Variants in LMBR1 observed in about 807,000 individuals in gnomAD.
The protein encoded by LMBR1 is limb region 1 protein homolog.
LMBR1 carries 52 observed loss-of-function variants against 73.9 expected under a neutral mutation model. That is an observed-to-expected ratio of 0.70 (90% CI 0.56 to 0.89). The LOEUF is 0.89. LMBR1 is among the 40% of genes least tolerant of loss of function. The pLI is 0.00. For missense variants in LMBR1, 539 were observed against 579.8 expected (o/e 0.93, Z 0.72); for synonymous variants, 215 against 209.4 (o/e 1.03, Z -0.23).
chr7:156,696,666 C>T (rs1417032715), intron 15 of LMBR1, among the ~76,000 whole-genome samples: 1 of 152,196 alleles, frequency 6.6e-6, no homozygotes, highest in Admixed American at 6.5e-5. Context: ...ATCACAACAA[C>T]AGCATGGGAA....
At chr7:156,803,352 G>C (rs1374452569) in intron 4 of LMBR1, among the ~76,000 whole-genome samples, 2 of 151,728 alleles carry the variant, frequency 1.3e-5, no homozygotes, top group Non-Finnish European at 2.9e-5. Context: ...GATATGAACA[G>C]ACACTTCTCA....
At chr7:156,877,658 C>T (rs1420993517) in intron 1 of LMBR1, among the ~76,000 whole-genome samples, 2 of 151,858 alleles carry the variant, frequency 1.3e-5, no homozygotes, top group African/African-American at 4.8e-5. Context: ...CCGAGGTGGG[C>T]GGATCACGAG....
chr7:156,799,705 C>G (rs1456262797), intron 4 of LMBR1, among the ~76,000 whole-genome samples: 1 of 151,946 alleles, frequency 6.6e-6, no homozygotes, highest in East Asian at 1.9e-4. Context: ...AAGCTAGAAG[C>G]TTAGTGAGGA....
chr7:156,881,150 G>A (rs1269463355), intron 1 of LMBR1, among the ~76,000 whole-genome samples: 1 of 152,082 alleles, frequency 6.6e-6, no homozygotes, highest in Non-Finnish European at 1.5e-5. Context: ...CAGATATATA[G>A]AACAACGGAA....
intron 1 of LMBR1, among the ~76,000 whole-genome samples, chr7:156,880,178 T>C (rs1800860299): frequency 6.6e-6 from 1 of 152,174 alleles, no homozygotes; most frequent in South Asian, 2.1e-4. Context: ...TAAAAAGGAA[T>C]GAAATAATGG....
At chr7:156,803,724 A>C (rs1382446340) in intron 4 of LMBR1, among the ~76,000 whole-genome samples, 4,372 of 151,352 alleles carry the variant, frequency 0.029, 100 homozygotes, top group South Asian at 0.072. Context: ...TTCACAATAG[A>C]AAAGACTTGG....
intron 15 of LMBR1, among the ~76,000 whole-genome samples, chr7:156,700,149 T>A (rs1470691298): frequency 6.6e-6 from 1 of 152,130 alleles, no homozygotes; most frequent in Non-Finnish European, 1.5e-5. Context: ...AACCCAAATG[T>A]CCAGCAACGA....
chr7:156,844,041 G>A (rs944526332), intron 1 of LMBR1, among the ~76,000 whole-genome samples: 1 of 151,956 alleles, frequency 6.6e-6, no homozygotes, highest in Non-Finnish European at 1.5e-5. Context: ...TCATACATTA[G>A]GGCCAGGCAT....
rs1804551503 is a variant in LMBR1 at position 156,678,984 on chromosome 7, T to G, written c.*5094A>C. On this transcript the variant is annotated 3_prime_UTR_variant, in exon 17 of 17. Transcript: ENST00000353442. Reference sequence around the variant, plus strand: ...GAATGAGGATACCTGTCATGAATCTTTATCAACCAGATAATAGAACTGTAA... The same window carrying G: ...GAATGAGGATACCTGTCATGAATCTGTATCAACCAGATAATAGAACTGTAA... 6.6e-6 allele frequency: 1 copy of G among 152,152 alleles called. No individual in the cohort carries two copies. Among genetic ancestry groups the G allele is most frequent in the Admixed American group, 6.5e-5 (1 of 15,284 alleles). The allele number at this position is 152,152 out of a possible 1,614,324, so 9.4% of individuals were successfully genotyped here. A position where few individuals can be genotyped will look rare whatever the true frequency, so the allele number is the denominator to read the frequency against.
chr7:156,836,969 G>C, intron 1 of LMBR1, 84 bp from the exon 2 acceptor site: 1 of 861,102 alleles, frequency 1.2e-6, no homozygotes, highest in Non-Finnish European at 1.8e-6. Context: ...GATATTTATA[G>C]GAAAAAAGGA....
At chr7:156,854,650 G>A (rs1021222698) in intron 1 of LMBR1, among the ~76,000 whole-genome samples, 17 of 152,138 alleles carry the variant, frequency 1.1e-4, no homozygotes, top group African/African-American at 4.1e-4. Flanking sequence ...GCCCCCTCTA[G>A]CCTTCTTCAC....
chr7:156,818,323 T>C (rs76629666), intron 4 of LMBR1, among the ~76,000 whole-genome samples: 4,841 of 152,282 alleles, frequency 0.032, 123 homozygotes, highest in South Asian at 0.085. Context: ...GTCCTTGCAG[T>C]GACTTGTCGG....
intron 1 of LMBR1, among the ~76,000 whole-genome samples, chr7:156,867,106 G>T (rs66759134): frequency 0.093 from 14,211 of 152,120 alleles, 799 homozygotes; most frequent in African/African-American, 0.16. Context: ...AATTGACAAA[G>T]AAGTTGAAGA....
At chr7:156,791,956 G>C (rs950715927) in intron 5 of LMBR1, among the ~76,000 whole-genome samples, 1 of 152,132 alleles carries the variant, frequency 6.6e-6, no homozygotes, top group Non-Finnish European at 1.5e-5. Flanking sequence ...CAATCATATG[G>C]AGATATTTTC....
chr7:156,738,781 G>T (rs915301351), intron 9 of LMBR1, among the ~76,000 whole-genome samples: 1 of 152,018 alleles, frequency 6.6e-6, no homozygotes, highest in East Asian at 1.9e-4. Flanking sequence ...ATCACCTACT[G>T]ACTAAAGAGC....
intron 15 of LMBR1, among the ~76,000 whole-genome samples, chr7:156,695,867 GA>G (rs397957629): frequency 3.1e-4 from 44 of 143,666 alleles, no homozygotes; most frequent in South Asian, 6.6e-4. Flanking sequence ...GACACTGATG[GA>G]AAAAAAAAAA....
chr7:156,870,211 G>C (rs1452574883), intron 1 of LMBR1, among the ~76,000 whole-genome samples: 1 of 152,120 alleles, frequency 6.6e-6, no homozygotes, highest in Non-Finnish European at 1.5e-5. Flanking sequence ...TAGACCAAAT[G>C]AATCTAATGA....
Position 156,707,549 on chromosome 7 carries a change from G to A in LMBR1, c.1225+16563C>T, listed in dbSNP as rs186285440. ...ATCAGGCAGGTTTTATACCAGGAGTGTAAGGATGGTTCAACATACACAGTC... is the reference window on the plus strand; with the variant it reads ...ATCAGGCAGGTTTTATACCAGGAGTATAAGGATGGTTCAACATACACAGTC... On this transcript the variant is annotated intron_variant, in intron 15 of 16. Coordinates refer to ENST00000353442, the MANE Select transcript of LMBR1 (RefSeq NM_022458.4). Among the ~76,000 whole-genome samples the A allele has an allele frequency of 1.2e-3, 190 of 152,270 alleles. 1 individual carries two copies. The highest frequency in any genetic ancestry group is 4.4e-3 in the African/African-American group (184 of 41,548).
At chr7:156,812,555 C>T (rs1029886181) in intron 4 of LMBR1, among the ~76,000 whole-genome samples, 3 of 152,164 alleles carry the variant, frequency 2.0e-5, no homozygotes, top group Non-Finnish European at 4.4e-5. Context: ...CCTAAAACTA[C>T]AAAGAACCAA....
Sources: allele counts gnomAD v4.1 joint callset (sites outside exome capture counted in the v4.1 genomes callset), GRCh38; gene constraint gnomAD v4.1.1; transcripts MANE v1.5; gene names NCBI Gene and HGNC (gene_info 2026-07-23, HGNC 2026-07-21).